The following FOXN1 variants were observed in gnomAD, a reference collection of about 807,000 sequenced individuals.
The protein encoded by FOXN1 is forkhead box N1, also known as forkhead box protein N1.
FOXN1 carries 15 observed loss-of-function variants against 49.0 expected under a neutral mutation model. The observed-to-expected ratio is 0.31, with a 90% CI of 0.20 to 0.47. The LOEUF (loss-of-function observed/expected upper bound fraction) is 0.47, where lower values mean the gene tolerates loss of function less well. FOXN1 is among the 20% of genes least tolerant of loss of function. The pLI is 1.00. For missense variants in FOXN1, 800 were observed against 842.8 expected, an observed-to-expected ratio of 0.95 and a Z score of 0.63; for synonymous variants, 356 against 369.0, an observed-to-expected ratio of 0.96 and a Z score of 0.40.
Position 28,527,311 on chromosome 17 carries a change from C to T in FOXN1, c.649C>T (p.Gln217Ter), listed in dbSNP as rs759297920. 1.2e-6 allele frequency: 2 copies of T among 1,614,036 alleles called. No homozygotes were observed. The highest frequency in any genetic ancestry group is 1.7e-6 in the Non-Finnish European group (2 of 1,179,938). Residue 217 changes from glutamine (Q) to a stop codon, truncating the protein, a stop_gained, in exon 4 of 9, where the codon CAG (glutamine) becomes TAG (stop). Coordinates refer to ENST00000579795, the MANE Select transcript of FOXN1 (RefSeq NM_001369369.1). LOFTEE classifies it high-confidence loss of function. Reference protein sequence around the residue: ...LESGAGMFCYQPPLQHMYCSS... With the variant: ...LESGAGMFCY ...GAGTGGTGCTGGGATGTTCTGCTAC[C>T]AGCCTCCCTTGCAGCATATGTACTG...
rs1320089101 is a variant in FOXN1, at chr17:28,534,137, A to G, written c.928-194A>G. ...TTGAGATGAAAATAACTTGGGGTCA[A>G]GGTTCCTGTTCACCCGTCCCCTACC... On this transcript the variant is annotated intron_variant, in intron 6 of 8. Transcript: ENST00000579795. This position sits in a 1 kb window ranked among gnomAD's most constrained non-coding sequence, Gnocchi z 4.1. 1.3e-5 allele frequency among the ~76,000 whole-genome samples: 2 copies of G among 152,186 alleles called. No homozygotes were observed. Among genetic ancestry groups the G allele is most frequent in the Non-Finnish European group, 2.9e-5 (2 of 68,032 alleles).
Position 28,534,541 on chromosome 17 carries a change from G to A in FOXN1, c.1135+3G>A, listed in dbSNP as rs755005215. 3.1e-6 allele frequency: 5 copies of A among 1,612,742 alleles called. No homozygotes were observed. Among genetic ancestry groups the A allele is most frequent in the Non-Finnish European group, 3.4e-6 (4 of 1,179,824 alleles). ...GCGCAAAAGCATGGCCAAGCCAGGTGAGGCCGGCCGGGCCACGCAAGGAAG... is the reference window on the plus strand; with the variant it reads ...GCGCAAAAGCATGGCCAAGCCAGGTAAGGCCGGCCGGGCCACGCAAGGAAG... On this transcript the variant is annotated splice_donor_region_variant and intron_variant, in intron 7 of 8. Coordinates refer to ENST00000579795, the MANE Select transcript of FOXN1 (RefSeq NM_001369369.1). The surrounding 1 kb of genome is among the most constrained non-coding windows in gnomAD (Gnocchi z 4.1).
chr17:28,531,627 A>G (rs1287494443), intron 6 of FOXN1, among the ~76,000 whole-genome samples: 2 of 152,088 alleles, frequency 1.3e-5, no homozygotes, highest in Non-Finnish European at 2.9e-5. Context: ...ACCCTCCAGC[A>G]CAGACCCCCT....
intron 1 of FOXN1, among the ~76,000 whole-genome samples, chr17:28,519,172 A>G (rs1307473654): frequency 6.6e-6 from 1 of 152,096 alleles, no homozygotes; most frequent in African/African-American, 2.4e-5. Context: ...AAGAGATACA[A>G]AAGTGCAGAG....
At chr17:28,536,826 GCTGTCAGC>G (rs2070075741) in intron 8 of FOXN1, among the ~76,000 whole-genome samples, 1 of 152,170 alleles carries the variant, frequency 6.6e-6, no homozygotes, top group Non-Finnish European at 1.5e-5. Flanking sequence ...TGGCATCCAT[GCTGTCAGC>G]CTGTCAGCAG....
At position 28,534,092 on chromosome 17, in the gene FOXN1, C is replaced by A. The variant is rs1215011992; in HGVS notation, c.928-239C>A. ...TCCTCTGAGGGGTCAGGAAGGGATG[C>A]GGGTGGGATGAAGGCAGATTTGAGA... On this transcript the variant is annotated intron_variant, in intron 6 of 8. Transcript: ENST00000579795. This position sits in a 1 kb window ranked among gnomAD's most constrained non-coding sequence, Gnocchi z 4.1. 6.6e-6 allele frequency among the ~76,000 whole-genome samples: 1 copy of A among 152,140 alleles called. No individual in the cohort carries two copies. Among genetic ancestry groups the A allele is most frequent in the East Asian group, 1.9e-4 (1 of 5,184 alleles).
intron 6 of FOXN1, among the ~76,000 whole-genome samples, chr17:28,533,485 A>ACCCCCCC (rs3837849): frequency 7.9e-6 from 1 of 126,380 alleles, no homozygotes; most frequent in Non-Finnish European, 1.7e-5. Flanking sequence ...TGGCACGAGC[A>ACCCCCCC]CCCCCCCCCA....
chr17:28,519,939 C>T (rs552357590), intron 1 of FOXN1, among the ~76,000 whole-genome samples: 6 of 152,132 alleles, frequency 3.9e-5, no homozygotes, highest in East Asian at 1.9e-4. Flanking sequence ...GATCCCCCCA[C>T]CCCCATAACT....
At chr17:28,516,028 C>G (rs1567872623) in intron 1 of FOXN1, among the ~76,000 whole-genome samples, 1 of 151,822 alleles carries the variant, frequency 6.6e-6, no homozygotes, top group African/African-American at 2.4e-5. Context: ...ACAGGGTATA[C>G]AACTCCACAG....
Position 28,534,604 on chromosome 17 carries a change from G to A in FOXN1, c.1135+66G>A, listed in dbSNP as rs1161019051. 1 of 1,569,296 alleles carries A rather than the reference G, an allele frequency of 6.4e-7. No homozygotes were observed. Among genetic ancestry groups the A allele is most frequent in the Non-Finnish European group, 8.7e-7 (1 of 1,154,108 alleles). On this transcript the variant is annotated intron_variant, in intron 7 of 8. Transcript: ENST00000579795. The surrounding 1 kb of genome is among the most constrained non-coding windows in gnomAD (Gnocchi z 4.1). ...TCATGAGCCAAAAAAAAAAAAAAGA[G>A]AGAATCAGAGAATGAGGCAAGGCCC...
chr17:28,516,214 A>T (rs1336629309), intron 1 of FOXN1, among the ~76,000 whole-genome samples: 3 of 151,640 alleles, frequency 2.0e-5, no homozygotes, highest in African/African-American at 7.3e-5. Context: ...CACAGGATCC[A>T]TAGCTCCAAA....
In FOXN1 at chr17:28,534,062, G is replaced by A. The variant is rs1409995829; in HGVS notation, c.928-269G>A. Among the ~76,000 whole-genome samples the A allele has an allele frequency of 6.6e-6, 1 of 152,170 alleles. No individual in the cohort carries two copies. Among genetic ancestry groups the A allele is most frequent in the African/African-American group, 2.4e-5 (1 of 41,426 alleles). ...CAGCCCTGGCTTTCCGAATCACCTC[G>A]GCAGTCCTCTGAGGGGTCAGGAAGG... On this transcript the variant is annotated intron_variant, in intron 6 of 8. Transcript: ENST00000579795. The surrounding 1 kb of genome is among the most constrained non-coding windows in gnomAD (Gnocchi z 4.1).
At chr17:28,512,838 A>G (rs1332588482) in intron 1 of FOXN1, among the ~76,000 whole-genome samples, 1 of 152,140 alleles carries the variant, frequency 6.6e-6, no homozygotes, top group Non-Finnish European at 1.5e-5. Flanking sequence ...GACACCCACA[A>G]GTAAGAGCAA....
intron 8 of FOXN1, among the ~76,000 whole-genome samples, chr17:28,535,448 C>T (rs2070039538): frequency 6.6e-6 from 1 of 152,182 alleles, no homozygotes; most frequent in Non-Finnish European, 1.5e-5. Context: ...TCCAACTGAC[C>T]TCATCATCAA....
At position 28,525,719 on chromosome 17, in the gene FOXN1, C is replaced by G. The variant is rs1320047122; in HGVS notation, c.588+752C>G. The stretch of plus-strand genomic sequence containing the variant: ...GTGCCTACTCCACATGCCCACCAGC[C>G]CCCCTCACCTCTTGCTTTCAAACAG... On this transcript the variant is annotated intron_variant, in intron 3 of 8. Transcript: ENST00000579795. 3.9e-5 allele frequency among the ~76,000 whole-genome samples: 6 copies of G among 152,182 alleles called. No individual in the cohort carries two copies. In the South Asian group the frequency reaches 1.2e-3, roughly 32 times the overall value.
intron 1 of FOXN1, among the ~76,000 whole-genome samples, chr17:28,519,690 C>A (rs2069601409): frequency 6.6e-6 from 1 of 152,188 alleles, no homozygotes; most frequent in African/African-American, 2.4e-5. Context: ...CTGGGGCCAG[C>A]AGAGAGACCT....
At chr17:28,517,282 C>T (rs1051972361) in intron 1 of FOXN1, among the ~76,000 whole-genome samples, 1 of 148,680 alleles carries the variant, frequency 6.7e-6, no homozygotes, top group Non-Finnish European at 1.5e-5. Flanking sequence ...CCACAGGGTA[C>T]ACACCTCCAC....
chr17:28,520,264 G>A (rs2069612652), intron 1 of FOXN1, among the ~76,000 whole-genome samples: 1 of 152,186 alleles, frequency 6.6e-6, no homozygotes, highest in African/African-American at 2.4e-5. Context: ...TTCCTGCAGT[G>A]AGCCCTTCCC....
chr17:28,511,911 G>C (rs2069404715), intron 1 of FOXN1, among the ~76,000 whole-genome samples: 1 of 152,184 alleles, frequency 6.6e-6, no homozygotes, highest in African/African-American at 2.4e-5. Flanking sequence ...TGGTCTCACA[G>C]ATCAAATCCT....
Sources: allele counts gnomAD v4.1 joint callset (sites outside exome capture counted in the v4.1 genomes callset), GRCh38; gene constraint gnomAD v4.1.1; non-coding constraint Gnocchi (gnomAD v3.1); transcripts MANE v1.5; gene names NCBI Gene and HGNC (gene_info 2026-07-23, HGNC 2026-07-21).